Variants in TMEM67 observed in about 807,000 individuals in gnomAD.
TMEM67 encodes transmembrane protein 67.
In TMEM67, 124 loss-of-function variants were observed where a neutral mutation model predicts 136.6. That is an observed-to-expected ratio of 0.91 (90% CI 0.78 to 1.05). The LOEUF (loss-of-function observed/expected upper bound fraction) is 1.05, where lower values mean the gene tolerates loss of function less well. Ranked by LOEUF, TMEM67 falls within the 50% of genes least tolerant of loss-of-function variation. The pLI is 0.00. For missense variants in TMEM67, 1,107 were observed against 1,178.4 expected (o/e 0.94, Z 0.89); for synonymous variants, 364 against 390.5 (o/e 0.93, Z 0.80).
chr8:93,808,385 A>G (rs1327237780), intron 23 of TMEM67, among the ~76,000 whole-genome samples: 1 of 76,196 alleles, frequency 1.3e-5, no homozygotes, highest in Non-Finnish European at 3.0e-5. Flanking sequence ...ATAAATATTT[A>G]TATATTATAT....
At chr8:93,761,551 C>G (rs573619099) in intron 3 of TMEM67, among the ~76,000 whole-genome samples, 4 of 151,870 alleles carry the variant, frequency 2.6e-5, no homozygotes, top group Non-Finnish European at 5.9e-5. Context: ...AACATTATTC[C>G]TAAGACAAAA....
intron 26 of TMEM67, among the ~76,000 whole-genome samples, chr8:93,813,875 C>T (rs1808796568): frequency 1.3e-5 from 2 of 152,036 alleles, no homozygotes; most frequent in Non-Finnish European, 2.9e-5. Context: ...CAAGAGAGAG[C>T]ATGTAAAACA....
At chr8:93,796,440 A>G (rs886251016) in intron 18 of TMEM67, among the ~76,000 whole-genome samples, 1 of 152,166 alleles carries the variant, frequency 6.6e-6, no homozygotes, top group African/African-American at 2.4e-5. Context: ...TTCTCCATCA[A>G]TGTAGGTGAA....
Position 93,804,969 on chromosome 8 carries a change from T to C in TMEM67, c.2439+91T>C, listed in dbSNP as rs369110766. On this transcript the variant is annotated intron_variant, in intron 23 of 27. Coordinates refer to ENST00000453321, the MANE Select transcript of TMEM67 (RefSeq NM_153704.6). Reference sequence around the variant, plus strand: ...TGTTTTAAAAAAAAAACAGTCTTCATTGATAACTTTTTTTTCTTTTTGAGA... The same window carrying C: ...TGTTTTAAAAAAAAAACAGTCTTCACTGATAACTTTTTTTTCTTTTTGAGA... The C allele has an allele frequency of 5.9e-6, 5 of 845,376 alleles. 1 individual carries two copies. The highest frequency in any genetic ancestry group is 2.8e-5 in the South Asian group (2 of 71,444). The allele number at this position is 845,376 out of a possible 1,614,324, so 52.4% of individuals were successfully genotyped here.
intron 9 of TMEM67, 109 bp from the exon 10 acceptor site, chr8:93,781,549 G>A (rs1337710177): frequency 5.5e-6 from 3 of 541,322 alleles, no homozygotes; most frequent in Non-Finnish European, 9.9e-6. Context: ...AAAGATAATT[G>A]AATGTAATTT....
chr8:93,763,190 A>G (rs1812928696), intron 3 of TMEM67: 1 of 191,018 alleles, frequency 5.2e-6, no homozygotes, highest in African/African-American at 2.4e-5. Flanking sequence ...TTAGCCTCCC[A>G]AAGGGCTGGG....
the TMEM67 span, among the ~76,000 whole-genome samples, chr8:93,825,690 G>A: frequency 1.8e-4 from 28 of 152,332 alleles, 1 homozygote; most frequent in South Asian, 5.2e-3. Context: ...AAGCGATGAA[G>A]TGGTGAATTT....
intron 19 of TMEM67, 48 bp from the exon 20 acceptor site, chr8:93,797,283 A>G: frequency 6.2e-7 from 1 of 1,612,096 alleles, no homozygotes; most frequent in Non-Finnish European, 8.5e-7. Flanking sequence ...CTACCCTTGC[A>G]GAGCAAAGGA....
chr8:93,807,008 G>C (rs1315570913), intron 23 of TMEM67, among the ~76,000 whole-genome samples: 1 of 151,916 alleles, frequency 6.6e-6, no homozygotes, highest in African/African-American at 2.4e-5. Flanking sequence ...AATCTCAATG[G>C]AAAAATGACC....
Position 93,809,168 on chromosome 8 carries a change from A to G in TMEM67, c.2661+7A>G. 2.1e-6 allele frequency: 3 copies of G among 1,420,336 alleles called. No homozygotes were observed. Among genetic ancestry groups the G allele is most frequent in the Non-Finnish European group, 2.0e-6 (2 of 1,004,818 alleles). The allele number at this position is 1,420,336 out of a possible 1,614,324, so 88.0% of individuals were successfully genotyped here. A position where few individuals can be genotyped will look rare whatever the true frequency, so the allele number is the denominator to read the frequency against. On this transcript the variant is annotated splice_region_variant and intron_variant, in intron 25 of 27. Coordinates refer to ENST00000453321, the MANE Select transcript of TMEM67 (RefSeq NM_153704.6). ...TGGCTCCTTCATTGACCATGTATGT[A>G]TGTCAACATTTATATTTAAGCTGGG...
At chr8:93,785,474 G>T in intron 12 of TMEM67, 96 bp downstream of exon 12, 1 of 1,266,902 alleles carries the variant, frequency 7.9e-7, no homozygotes, top group Non-Finnish European at 1.1e-6. Flanking sequence ...TTATAAGAAA[G>T]GTCATGAATT....
At position 93,793,250 on chromosome 8, in the gene TMEM67, C is replaced by T. The variant is rs200262529; in HGVS notation, c.1628C>T (p.Thr543Ile). 1.2e-6 allele frequency: 2 copies of T among 1,614,056 alleles called. No individual in the cohort carries two copies. ...GLAVLASLLK[T>I]AGWKRRIGSP... The stretch of plus-strand genomic sequence containing the variant: ...GCTGTTTTAGCATCTCTTTTGAAGA[C>T]AGCAGGATGGAAGAGGCGCATTGGG... Residue 543 changes from threonine to isoleucine, a missense_variant, in exon 16 of 28, where the codon ACA becomes ATA. Around this residue, in one of 3 missense-constraint regions of TMEM67, gnomAD observed 925 missense variants for 1,002.4 expected, o/e 0.92. Coordinates refer to ENST00000453321, the MANE Select transcript of TMEM67 (RefSeq NM_153704.6).
At chr8:93,809,711 G>C in intron 25 of TMEM67, 74 bp from the exon 26 acceptor site, 1 of 879,636 alleles carries the variant, frequency 1.1e-6, no homozygotes, top group Non-Finnish European at 1.9e-6. Context: ...TTTCTCTCCT[G>C]CTGATTTTAC....
chr8:93,761,946 A>T (rs1445847454), intron 3 of TMEM67: 1 of 152,144 alleles, frequency 6.6e-6, no homozygotes, highest in African/African-American at 2.4e-5. Flanking sequence ...TGGGAAAGAG[A>T]CTTAATTTTC....
intron 21 of TMEM67, among the ~76,000 whole-genome samples, chr8:93,802,465 C>T (rs760920110): frequency 3.3e-5 from 5 of 152,214 alleles, no homozygotes; most frequent in African/African-American, 4.8e-5. Flanking sequence ...CAATCTCAGA[C>T]ACCACCATCT....
chr8:93,795,247 G>C, intron 16 of TMEM67, 162 bp from the exon 17 acceptor site: 1 of 684,594 alleles, frequency 1.5e-6, no homozygotes, highest in Admixed American at 2.2e-5. Flanking sequence ...GTAGCAAGGA[G>C]GAGGAAGCAG....
chr8:93,808,505 TGA>T (rs1808544959), intron 23 of TMEM67, among the ~76,000 whole-genome samples: 221 of 126,758 alleles, frequency 1.7e-3, no homozygotes, highest in Non-Finnish European at 2.5e-3. Flanking sequence ...CTATTATAGA[TGA>T]ATATATATAT....
chr8:93,765,658 T>G lies in TMEM67; in HGVS notation c.651+12T>G, dbSNP rs1813051382. 1 of 1,596,516 alleles carries G rather than the reference T, an allele frequency of 6.3e-7. No individual in the cohort carries two copies. The highest frequency in any genetic ancestry group is 1.7e-5 in the Admixed American group (1 of 59,984). On this transcript the variant is annotated intron_variant, in intron 6 of 27. Coordinates refer to ENST00000453321, the MANE Select transcript of TMEM67 (RefSeq NM_153704.6). ...GTTATGGAGAAGTTGTGAGTATGTT[T>G]CAATTTTTTTGTTCTGTTGTTAAAA...
chr8:93,824,497 T>C, the TMEM67 span, among the ~76,000 whole-genome samples: 1 of 152,338 alleles, frequency 6.6e-6, no homozygotes, highest in Non-Finnish European at 1.5e-5. Context: ...ATTCCTCTTA[T>C]TCTGTCTGCT....
Sources: allele counts gnomAD v4.1 joint callset (sites outside exome capture counted in the v4.1 genomes callset), GRCh38; gene constraint gnomAD v4.1.1; regional missense constraint gnomAD v4.1.1; transcripts MANE v1.5; gene names NCBI Gene and HGNC (gene_info 2026-07-23, HGNC 2026-07-21).